The following SETDB1 variants were observed in gnomAD, a reference collection of about 807,000 sequenced individuals.
SETDB1 encodes the protein histone-lysine N-methyltransferase SETDB1.
In SETDB1, 31 loss-of-function variants were observed where a neutral mutation model predicts 137.4. That is an observed-to-expected ratio of 0.23 (90% CI 0.17 to 0.30). SETDB1 has a LOEUF of 0.30. Ranked by LOEUF, SETDB1 falls within the 10% of genes least tolerant of loss-of-function variation. SETDB1 has a pLI of 1.00. For missense variants in SETDB1, 1,113 were observed against 1,631.5 expected (o/e 0.68, Z 5.47); for synonymous variants, 548 against 579.9 (o/e 0.95, Z 0.79).
chr1:150,928,133 C>CT, intron 2 of SETDB1, 159 bp downstream of exon 2: 1 of 757,216 alleles, frequency 1.3e-6, no homozygotes. Flanking sequence ...TCCTGGCTCA[C>CT]TGCAACCTCC....
intron 14 of SETDB1, among the ~76,000 whole-genome samples, chr1:150,956,169 C>G (rs1018539642): frequency 6.7e-6 from 1 of 150,236 alleles, no homozygotes; most frequent in Non-Finnish European, 1.5e-5. Flanking sequence ...AGGTGGATTA[C>G]GAGGTCAGGA....
In SETDB1 at chr1:150,961,106, G is replaced by T; in HGVS notation, c.3047G>T (p.Gly1016Val). ...AATGAAGGTGGGGAGGGCCGGGCTG[G>T]GGGAAGCCGAATGGAGGCTGAGAAG... ...KTNEGGEGRAGGSRMEAEKAS... is the reference protein window; with the variant it reads ...KTNEGGEGRAVGSRMEAEKAS... The change falls in exon 16 of 22, where the codon GGG (glycine) becomes GTG (valine). Residue 1016 changes from glycine to valine, a missense_variant. By Grantham distance (109) the Gly-to-Val change is moderately radical. Transcript: ENST00000692827. 1 of 1,614,054 alleles carries T rather than the reference G, an allele frequency of 6.2e-7. No individual in the cohort carries two copies. The highest frequency in any genetic ancestry group is 1.1e-5 in the South Asian group (1 of 91,066).
intron 3 of SETDB1, among the ~76,000 whole-genome samples, chr1:150,939,402 G>A (rs745724311): frequency 6.6e-5 from 10 of 151,896 alleles, no homozygotes; most frequent in South Asian, 2.1e-4. Flanking sequence ...GTCTCAGCTC[G>A]TTGCAGCCTC....
intron 3 of SETDB1, 128 bp downstream of exon 3, chr1:150,930,246 T>C (rs1164663988): frequency 7.3e-6 from 6 of 818,232 alleles, no homozygotes; most frequent in Non-Finnish European, 1.1e-5. Context: ...ACTGCCTGAG[T>C]TGGCTATTAA....
At chr1:150,930,390 T>TA in intron 3 of SETDB1, 1 of 342,858 alleles carries the variant, frequency 2.9e-6, no homozygotes, top group Non-Finnish European at 5.4e-6. Context: ...TGCCAGGACT[T>TA]ATAGTGAGTG....
chr1:150,941,312 C>T lies in SETDB1; in HGVS notation c.448-17C>T. ...CTACTGTTTCAAAACTTGTTTTCCT[C>T]ATCCCCTTTTCTACAGCTCCGTGAA... On this transcript the variant is annotated splice_polypyrimidine_tract_variant and intron_variant, in intron 4 of 21. Coordinates refer to ENST00000692827, the MANE Select transcript of SETDB1 (RefSeq NM_001366418.1). 2.0e-6 allele frequency: 3 copies of T among 1,531,292 alleles called. No individual in the cohort carries two copies. Among genetic ancestry groups the T allele is most frequent in the East Asian group, 4.5e-5 (2 of 44,424 alleles). 94.9% of individuals were successfully genotyped at this position (1,531,292 alleles called of 1,614,324 possible).
chr1:150,933,351 T>C (rs1669825615), intron 3 of SETDB1, among the ~76,000 whole-genome samples: 1 of 148,988 alleles, frequency 6.7e-6, no homozygotes, highest in Non-Finnish European at 1.5e-5. Flanking sequence ...TTAGCTACCA[T>C]GCCTGGCCTA....
intron 9 of SETDB1, 41 bp downstream of exon 9, chr1:150,945,149 G>C (rs202101067): frequency 4.0e-5 from 64 of 1,612,000 alleles, no homozygotes; most frequent in African/African-American, 1.2e-4. Context: ...GAGGTTGGTG[G>C]GGGGGGAACT....
chr1:150,953,612 TGA>T (rs1333031683), intron 14 of SETDB1, among the ~76,000 whole-genome samples: 1 of 151,896 alleles, frequency 6.6e-6, no homozygotes, highest in Non-Finnish European at 1.5e-5. Context: ...GTGGATCACC[TGA>T]GGTCAGGAGT....
chr1:150,964,721 C>A lies in SETDB1; in HGVS notation c.*357C>A. ...GTATTATTTCTTGAAAGTCTTTTAA[C>A]AATATGATAAAACTAAGATTGTGGT... On this transcript the variant is annotated 3_prime_UTR_variant, in exon 22 of 22. Transcript: ENST00000692827. The A allele has an allele frequency of 1.7e-6, 1 of 574,358 alleles. No individual in the cohort carries two copies. The highest frequency in any genetic ancestry group is 3.1e-6 in the Non-Finnish European group (1 of 322,668). 35.6% of individuals were successfully genotyped at this position (574,358 alleles called of 1,614,324 possible). A position where few individuals can be genotyped will look rare whatever the true frequency, so the allele number is the denominator to read the frequency against.
At chr1:150,926,619 G>T in intron 1 of SETDB1, 102 bp downstream of exon 1, 1 of 435,590 alleles carries the variant, frequency 2.3e-6, no homozygotes. Context: ...GTCTTCCCCA[G>T]AGGCGAACGG....
In SETDB1 at chr1:150,949,242, C is replaced by A; in HGVS notation, c.1388C>A (p.Pro463His). ...GCTCCACCTGCCCCACCTTTCCCAC[C>A]TGCTCCACCTCTATCCCCCCAAGCA... The part of the protein sequence containing the change: ...PTAPPAPPFP[P>H]APPLSPQAGD... Residue 463 changes from proline to histidine, a missense_variant, in exon 11 of 22, where the codon CCT becomes CAT. Pro to His is a moderately conservative substitution (Grantham distance 77). This residue lies in a region of SETDB1 where 192 missense variants were observed against 198.1 expected (regional missense o/e 0.97). Coordinates refer to ENST00000692827, the MANE Select transcript of SETDB1 (RefSeq NM_001366418.1). 1 of 1,614,140 alleles carries A rather than the reference C, an allele frequency of 6.2e-7. No individual in the cohort carries two copies. Among genetic ancestry groups the A allele is most frequent in the Non-Finnish European group, 8.5e-7 (1 of 1,180,024 alleles).
chr1:150,945,565 TTTAA>T (rs1670297334), intron 9 of SETDB1, among the ~76,000 whole-genome samples: 2 of 152,224 alleles, frequency 1.3e-5, no homozygotes, highest in African/African-American at 4.8e-5. Context: ...TTTTAAAAGT[TTTAA>T]AAACATTTTT....
At position 150,942,880 on chromosome 1, in the gene SETDB1, T is replaced by G. The variant is rs775125724; in HGVS notation, c.702T>G (p.Phe234Leu). The G allele has an allele frequency of 6.2e-7, 1 of 1,614,194 alleles. No individual in the cohort carries two copies. The highest frequency in any genetic ancestry group is 8.5e-7 in the Non-Finnish European group (1 of 1,180,022). Residue 234 changes from phenylalanine to leucine, a missense_variant, in exon 7 of 22, where the codon TTT becomes TTG. Physicochemically the swap from Phe to Leu is conservative, Grantham distance 22. Around this residue, in one of 11 missense-constraint regions of SETDB1, gnomAD observed 154 missense variants for 303.1 expected, o/e 0.51. Coordinates refer to ENST00000692827, the MANE Select transcript of SETDB1 (RefSeq NM_001366418.1). ...VGPGKKYKVKFDNKGKSLLSG... is the reference protein window; with the variant it reads ...VGPGKKYKVKLDNKGKSLLSG... ...CAGGGAAGAAATACAAGGTGAAATT[T>G]GACAACAAAGGAAAGAGTCTACTGT...
chr1:150,934,288 C>T (rs1158078603), intron 3 of SETDB1, among the ~76,000 whole-genome samples: 8 of 151,972 alleles, frequency 5.3e-5, no homozygotes, highest in Non-Finnish European at 1.0e-4. Context: ...CCGGCTAACA[C>T]GGTGAAACCC....
At chr1:150,949,037 T>A in intron 10 of SETDB1, 85 bp from the exon 11 acceptor site, 2 of 1,321,822 alleles carry the variant, frequency 1.5e-6, no homozygotes, top group Middle Eastern at 2.1e-4. Context: ...CTTTTTATAT[T>A]GTATAAGTTA....
At chr1:150,937,217 T>C (rs1001079750) in intron 3 of SETDB1, among the ~76,000 whole-genome samples, 32 of 149,404 alleles carry the variant, frequency 2.1e-4, no homozygotes, top group African/African-American at 7.9e-4. Context: ...AAGACAAACA[T>C]AGGTGAACGT....
intron 3 of SETDB1, among the ~76,000 whole-genome samples, chr1:150,937,574 G>A (rs1053519384): frequency 2.6e-5 from 4 of 152,088 alleles, no homozygotes; most frequent in Admixed American, 1.3e-4. Flanking sequence ...GCAACGTAAC[G>A]AGAACCTGTC....
intron 14 of SETDB1, among the ~76,000 whole-genome samples, chr1:150,955,557 G>A (rs587731675): frequency 6.6e-6 from 1 of 152,310 alleles, no homozygotes; most frequent in South Asian, 2.1e-4. Context: ...TGAGCTTTCA[G>A]CTGTAAAGTC....
Sources: gnomAD v4.1 joint callset for allele counts (sites outside exome capture counted in the v4.1 genomes callset) on GRCh38, gnomAD v4.1.1 for gene constraint, gnomAD v4.1.1 regional missense constraint, MANE v1.5 for transcripts, NCBI Gene and HGNC (gene_info 2026-07-23, HGNC 2026-07-21) for gene names.